KAZN: variants seen among roughly 807,000 people sequenced by gnomAD.
KAZN encodes the protein kazrin, periplakin interacting protein.
Under a neutral mutation model 87.4 loss-of-function variants are expected in KAZN, and 40 were observed. The ratio of observed to expected loss-of-function variants is 0.46; its 90% CI spans 0.36 to 0.60. The LOEUF (loss-of-function observed/expected upper bound fraction) is 0.60. Ranked by LOEUF, KAZN falls within the 20% of genes least tolerant of loss-of-function variation. The pLI, the probability that KAZN is intolerant of heterozygous loss-of-function variation, is 0.00. For synonymous variants in KAZN, 466 were observed against 458.3 expected, an observed-to-expected ratio of 1.02 and a Z score of -0.22; for missense variants, 898 against 1,073.9, an observed-to-expected ratio of 0.84 and a Z score of 2.29.
intron 1 of KAZN, among the ~76,000 whole-genome samples, chr1:13,955,958 C>G (rs942759819): frequency 6.6e-6 from 1 of 152,172 alleles, no homozygotes; most frequent in Non-Finnish European, 1.5e-5. Flanking sequence ...AAACGTCCTT[C>G]TATTGGACTC....
chr1:13,996,833 C>T (rs943399526), intron 1 of KAZN, among the ~76,000 whole-genome samples: 1 of 152,074 alleles, frequency 6.6e-6, no homozygotes, highest in African/African-American at 2.4e-5. Flanking sequence ...GCGAAGCACA[C>T]CCCCCTCCGC....
chr1:14,472,070 C>T (rs1668485829), intron 2 of KAZN, among the ~76,000 whole-genome samples: 3 of 152,086 alleles, frequency 2.0e-5, no homozygotes, highest in Admixed American at 1.3e-4. Flanking sequence ...CAATAGATGG[C>T]ACTTTCTTGC....
chr1:14,060,294 C>T (rs1174700076), intron 1 of KAZN, among the ~76,000 whole-genome samples: 2 of 144,800 alleles, frequency 1.4e-5, no homozygotes, highest in African/African-American at 5.1e-5. Flanking sequence ...AACCGGGAGG[C>T]GGAGCTTACA....
In KAZN at chr1:14,400,824, G is replaced by T. The variant is rs80240859; in HGVS notation, c.250-198159G>T. Among the ~76,000 whole-genome samples, 550 of 152,292 alleles carry T rather than the reference G, an allele frequency of 3.6e-3. 3 individuals carry two copies. The highest frequency in any genetic ancestry group is 0.013 in the African/African-American group (521 of 41,558). ...CCTGCCAGATGTGACTAGATCACAAGAATTAGCATTGAACACTGGTTAAAA... is the reference window on the plus strand; with the variant it reads ...CCTGCCAGATGTGACTAGATCACAATAATTAGCATTGAACACTGGTTAAAA... On this transcript the variant is annotated intron_variant, in intron 2 of 16. Transcript: ENST00000636203.
At chr1:14,618,187 G>A (rs1318086551) in intron 1 of KAZN, among the ~76,000 whole-genome samples, 1 of 152,214 alleles carries the variant, frequency 6.6e-6, no homozygotes, top group African/African-American at 2.4e-5. Context: ...TGTGTCCCAT[G>A]TCCATGGAAA....
intron 1 of KAZN, among the ~76,000 whole-genome samples, chr1:13,900,366 A>G (rs866674030): frequency 6.6e-6 from 1 of 152,148 alleles, no homozygotes; most frequent in Non-Finnish European, 1.5e-5. Context: ...GCCCCAAGGT[A>G]AAGTATCCCC....
In KAZN at chr1:15,076,384, G is replaced by A. The variant is rs182374774; in HGVS notation, c.1222+10631G>A. 2.8e-3 allele frequency among the ~76,000 whole-genome samples: 424 copies of A among 152,312 alleles called. 3 individuals carry two copies. The highest frequency in any genetic ancestry group is 9.9e-3 in the African/African-American group (412 of 41,568). Reference sequence around the variant, plus strand: ...GGGCTTGAGGAAAGGCCTCGGCTTCGGAGCTAGATCCTGAGGCTCAATCCC... The same window carrying A: ...GGGCTTGAGGAAAGGCCTCGGCTTCAGAGCTAGATCCTGAGGCTCAATCCC... On this transcript the variant is annotated intron_variant, in intron 8 of 14. Transcript: ENST00000376030.
chr1:14,591,949 T>C (rs1222686661), intron 2 of KAZN, among the ~76,000 whole-genome samples: 1 of 152,190 alleles, frequency 6.6e-6, no homozygotes, highest in Non-Finnish European at 1.5e-5. Flanking sequence ...TTTCATTTCA[T>C]AGCTGTGGTT....
rs148783816 is a variant in KAZN at position 13,970,908 on chromosome 1, T to A, written c.91+77152T>A. Among the ~76,000 whole-genome samples the A allele has an allele frequency of 3.8e-3, 574 of 152,334 alleles. 6 individuals are homozygous for A. Among genetic ancestry groups the A allele is most frequent in the African/African-American group, 0.013 (523 of 41,588 alleles). ...ATAATGAAGAAAAGACCTTCAGGCA[T>A]AAAGATTTTCTTATTCTGATGGTTT... On this transcript the variant is annotated intron_variant, in intron 1 of 16. Coordinates refer to the KAZN transcript ENST00000636203.
intron 2 of KAZN, among the ~76,000 whole-genome samples, chr1:14,589,242 A>G (rs1676041741): frequency 1.3e-5 from 2 of 151,968 alleles, no homozygotes; most frequent in African/African-American, 4.8e-5. Flanking sequence ...TCCCTCTTGA[A>G]CTGCAGAGAC....
At chr1:15,037,946 G>A (rs1031936765) in intron 3 of KAZN, among the ~76,000 whole-genome samples, 2 of 152,168 alleles carry the variant, frequency 1.3e-5, no homozygotes, top group African/African-American at 2.4e-5. Flanking sequence ...CCCTGAAGGA[G>A]GACAGATCAG....
chr1:14,702,105 G>T (rs1641955681), intron 1 of KAZN, among the ~76,000 whole-genome samples: 1 of 152,202 alleles, frequency 6.6e-6, no homozygotes, highest in African/African-American at 2.4e-5. Context: ...CCAGTGCTCA[G>T]AGTACAAGCC....
chr1:14,940,147 G>C (rs1055618236), intron 1 of KAZN, among the ~76,000 whole-genome samples: 7 of 152,190 alleles, frequency 4.6e-5, no homozygotes, highest in Non-Finnish European at 1.0e-4. Flanking sequence ...TTGGTATAGA[G>C]AGCTGCTTCC....
At chr1:13,968,478 A>G (rs1396988337) in intron 1 of KAZN, among the ~76,000 whole-genome samples, 2 of 152,142 alleles carry the variant, frequency 1.3e-5, no homozygotes, top group African/African-American at 2.4e-5. Context: ...ACTTTGACTC[A>G]ATCTGCTGTT....
chr1:14,040,787 AT>A (rs201094908), intron 1 of KAZN, among the ~76,000 whole-genome samples: 23,750 of 146,346 alleles, frequency 0.16, 2,287 homozygotes, highest in Non-Finnish European at 0.23. Context: ...ATAAAATAAA[AT>A]TAAATTAAAT....
chr1:14,078,669 C>T lies in KAZN; in HGVS notation c.92-101766C>T, dbSNP rs1392613556. On this transcript the variant is annotated intron_variant, in intron 1 of 16. Transcript: ENST00000636203. ...TCCTCACAGGATGGAAGGGGCAAGGCAGCTCTCTGGGGCCTCTCTTTTTTG... is the reference window on the plus strand; with the variant it reads ...TCCTCACAGGATGGAAGGGGCAAGGTAGCTCTCTGGGGCCTCTCTTTTTTG... 3.3e-5 allele frequency among the ~76,000 whole-genome samples: 5 copies of T among 152,098 alleles called. No individual in the cohort carries two copies. The South Asian group carries it at 1.0e-3, about 32-fold the overall frequency.
chr1:14,279,035 G>A (rs114041233), intron 2 of KAZN, among the ~76,000 whole-genome samples: 4,251 of 144,872 alleles, frequency 0.029, 102 homozygotes, highest in Non-Finnish European at 0.048. Context: ...CCATCTCACA[G>A]ACTTTTTTAA....
chr1:14,059,878 A>G (rs559598825), intron 1 of KAZN, among the ~76,000 whole-genome samples: 2 of 152,304 alleles, frequency 1.3e-5, no homozygotes, highest in East Asian at 3.9e-4. Flanking sequence ...TCATTGGGTC[A>G]CAATGGCCTA....
intron 8 of KAZN, among the ~76,000 whole-genome samples, chr1:15,092,096 G>A (rs1313264590): frequency 3.6e-5 from 4 of 111,704 alleles, no homozygotes; most frequent in Non-Finnish European, 6.9e-5. Context: ...TTTTTTTGGA[G>A]ACGGAGTTTC....
Sources: allele counts gnomAD v4.1 joint callset (sites outside exome capture counted in the v4.1 genomes callset), GRCh38; gene constraint gnomAD v4.1.1; transcripts MANE v1.5; gene names NCBI Gene and HGNC (gene_info 2026-07-23, HGNC 2026-07-21).